Variants in CEP295 observed in about 807,000 individuals in gnomAD.
CEP295 encodes the protein centrosomal protein of 295 kDa.
In CEP295, 190 loss-of-function variants were observed where a neutral mutation model predicts 291.6. The observed-to-expected ratio is 0.65, with a 90% confidence interval of 0.58 to 0.73. CEP295 has a LOEUF of 0.73. Among genes scored for constraint, CEP295 ranks in the 30% least tolerant of loss-of-function variants. The probability of loss-of-function intolerance (pLI) is 0.00; values close to 1 mark genes in which losing one functional copy is unlikely to be tolerated. For missense variants in CEP295, 2,863 were observed against 2,949.4 expected, an observed-to-expected ratio of 0.97 and a Z score of 0.68; for synonymous variants, 993 against 1,038.8, an observed-to-expected ratio of 0.96 and a Z score of 0.85.
At chr11:93,685,907 C>T (rs1261924531) in intron 9 of CEP295, among the ~76,000 whole-genome samples, 2 of 151,698 alleles carry the variant, frequency 1.3e-5, no homozygotes, top group South Asian at 2.1e-4. Context: ...GACGGGGTTT[C>T]ACTATGTTGG....
intron 5 of CEP295, among the ~76,000 whole-genome samples, chr11:93,675,306 C>T (rs1338102151): frequency 1.3e-5 from 2 of 151,920 alleles, no homozygotes; most frequent in African/African-American, 4.8e-5. Flanking sequence ...TGAAATTTCT[C>T]TATAAATAAC....
chr11:93,689,698 G>A (rs1951423153), intron 10 of CEP295, among the ~76,000 whole-genome samples: 1 of 152,102 alleles, frequency 6.6e-6, no homozygotes. Flanking sequence ...GCCCAGTAAA[G>A]TGACTGGTGC....
At position 93,700,134 on chromosome 11, in the gene CEP295, A is replaced by G; in HGVS notation, c.5222A>G (p.Gln1741Arg). The G allele has an allele frequency of 6.4e-7, 1 of 1,551,562 alleles. No homozygotes were observed. The highest frequency in any genetic ancestry group is 8.7e-7 in the Non-Finnish European group (1 of 1,146,942). ...LLVQRQTALQ[Q>R]QIQKHEETLK... ...GTACAGAGACAAACAGCATTGCAGC[A>G]GCAGATACAGAAACATGAAGAGACT... Residue 1741 changes from glutamine to arginine, a missense_variant, in exon 15 of 30, where the codon CAG (glutamine) becomes CGG (arginine). Gln to Arg is a conservative substitution (Grantham distance 43). Coordinates refer to ENST00000325212, the MANE Select transcript of CEP295 (RefSeq NM_033395.2).
At chr11:93,728,856 A>G in intron 25 of CEP295, 35 bp downstream of exon 25, 1 of 1,508,620 alleles carries the variant, frequency 6.6e-7, no homozygotes, top group Non-Finnish European at 8.9e-7. Context: ...TTATTCTATT[A>G]CAAGCAAACC....
At chr11:93,681,603 A>G (rs1432134213) in intron 7 of CEP295, among the ~76,000 whole-genome samples, 1 of 151,150 alleles carries the variant, frequency 6.6e-6, no homozygotes, top group Non-Finnish European at 1.5e-5. Flanking sequence ...TTTAGTAGAG[A>G]CAGGGTTTCA....
At chr11:93,665,991 C>G (rs1395214723) in intron 1 of CEP295, among the ~76,000 whole-genome samples, 1 of 152,156 alleles carries the variant, frequency 6.6e-6, no homozygotes, top group Non-Finnish European at 1.5e-5. Context: ...GTTTTGAAAA[C>G]ATTTATTCTA....
At chr11:93,662,886 A>C (rs1355886263) in intron 1 of CEP295, among the ~76,000 whole-genome samples, 1 of 152,226 alleles carries the variant, frequency 6.6e-6, no homozygotes, top group African/African-American at 2.4e-5. Context: ...ATTCAGCATC[A>C]TTTACCTCTT....
intron 12 of CEP295, among the ~76,000 whole-genome samples, chr11:93,694,208 C>T (rs1591048676): frequency 2.0e-5 from 3 of 152,148 alleles, no homozygotes; most frequent in Non-Finnish European, 4.4e-5. Context: ...AAGAAAACAA[C>T]GTGCATTCCT....
In CEP295 at chr11:93,699,018, G is replaced by T. The variant is rs1352774642; in HGVS notation, c.4106G>T (p.Arg1369Ile). ...ATQREAIILA[R>I]QEAREELLLH... Reference sequence around the variant, plus strand: ...CAGAGAGAAGCCATCATTCTAGCTAGACAAGAAGCTCGGGAAGAATTACTT... The same window carrying T: ...CAGAGAGAAGCCATCATTCTAGCTATACAAGAAGCTCGGGAAGAATTACTT... The change falls in exon 15 of 30, where the codon AGA becomes ATA. Residue 1369 changes from arginine (R) to isoleucine (I), a missense_variant. Coordinates refer to ENST00000325212, the MANE Select transcript of CEP295 (RefSeq NM_033395.2). 1.3e-6 allele frequency: 2 copies of T among 1,547,764 alleles called. No individual in the cohort carries two copies. The highest frequency in any genetic ancestry group is 2.4e-5 in the East Asian group (1 of 40,916).
Position 93,699,565 on chromosome 11 carries a change from T to C in CEP295, c.4653T>C (p.Phe1551=). 6.4e-7 allele frequency: 1 copy of C among 1,551,934 alleles called. No individual in the cohort carries two copies. Residue 1551 remains phenylalanine, a synonymous_variant, in exon 15 of 30, where the codon TTT becomes TTC. Transcript: ENST00000325212. Reference sequence around the variant, plus strand: ...CTGAACAAGTTTGCTCCTCTTCATTTGTATCCCAGGTGCCTGTTGCTGACT... The same window carrying C: ...CTGAACAAGTTTGCTCCTCTTCATTCGTATCCCAGGTGCCTGTTGCTGACT... ...VSSEQVCSSS[F]VSQVPVADSE...
chr11:93,683,514 C>T (rs939341357), intron 7 of CEP295, 45 bp from the exon 8 acceptor site: 35 of 1,385,684 alleles, frequency 2.5e-5, no homozygotes, highest in Non-Finnish European at 3.3e-5. Context: ...TATTACCATA[C>T]AAAGTTTGTG....
Position 93,698,863 on chromosome 11 carries a change from A to C in CEP295, c.3951A>C (p.Thr1317=). 1 of 1,551,734 alleles carries C rather than the reference A, an allele frequency of 6.4e-7. No homozygotes were observed. The highest frequency in any genetic ancestry group is 1.4e-5 in the African/African-American group (1 of 73,176). Residue 1317 remains threonine (T), a synonymous_variant, in exon 15 of 30, where the codon ACA becomes ACC. Coordinates refer to ENST00000325212, the MANE Select transcript of CEP295 (RefSeq NM_033395.2). ...ESGTILEPLF[T]ESESKIFSSH... ...GCACAATCCTGGAACCTCTTTTTAC[A>C]GAGAGTGAAAGTAAAATTTTTTCAA...
rs929692136 is a variant in CEP295 at position 93,696,915 on chromosome 11, A to G, written c.2003A>G (p.Lys668Arg). The G allele has an allele frequency of 7.7e-6, 12 of 1,551,926 alleles. No individual in the cohort carries two copies. In the African/African-American group the frequency reaches 1.2e-4, roughly 16 times the overall value. Residue 668 changes from lysine (K) to arginine (R), a missense_variant, in exon 15 of 30, where the codon AAA (lysine) becomes AGA (arginine). Lys to Arg is a conservative substitution (Grantham distance 26, BLOSUM62 2). This residue lies in a region of CEP295 where 2,295 missense variants were observed against 2,335.7 expected (regional missense o/e 0.98). Transcript: ENST00000325212. ...CCCATACAACCTATACAGACCTCCA[A>G]ATTAGAACAAGATCATTTTCAGGTA... Reference protein sequence around the residue: ...YQPIQPIQTSKLEQDHFQVAR... With the variant: ...YQPIQPIQTSRLEQDHFQVAR...
intron 12 of CEP295, among the ~76,000 whole-genome samples, chr11:93,694,362 A>G (rs1046099701): frequency 3.9e-5 from 6 of 152,292 alleles, no homozygotes; most frequent in African/African-American, 1.2e-4. Flanking sequence ...TGTATATACT[A>G]TGGGTGAATT....
chr11:93,667,351 A>T (rs2134779946), intron 2 of CEP295, among the ~76,000 whole-genome samples: 1 of 152,290 alleles, frequency 6.6e-6, no homozygotes, highest in East Asian at 1.9e-4. Flanking sequence ...TTAGAGTGAT[A>T]ATGGCAGTCC....
chr11:93,683,610 G>T lies in CEP295; in HGVS notation c.817G>T (p.Ala273Ser). 1 of 1,543,774 alleles carries T rather than the reference G, an allele frequency of 6.5e-7. No individual in the cohort carries two copies. The highest frequency in any genetic ancestry group is 1.2e-5 in the South Asian group (1 of 81,752). ...ELKQLQQEDL[A>S]RRRQTVAQMP... The stretch of plus-strand genomic sequence containing the variant: ...CAAACAGCTACAGCAAGAGGACCTG[G>T]CACGTAGGAGACAGACTGTAGCACA... Residue 273 changes from alanine to serine, a missense_variant, in exon 8 of 30, where the codon GCA becomes TCA. Coordinates refer to ENST00000325212, the MANE Select transcript of CEP295 (RefSeq NM_033395.2).
intron 5 of CEP295, among the ~76,000 whole-genome samples, chr11:93,670,390 T>A (rs1950382152): frequency 4.6e-5 from 1 of 21,716 alleles, no homozygotes; most frequent in South Asian, 9.3e-3. Context: ...TTGAAGCTTA[T>A]TTTTTTTAAA....
intron 15 of CEP295, among the ~76,000 whole-genome samples, chr11:93,700,879 A>C (rs1952114248): frequency 1.3e-5 from 2 of 152,186 alleles, no homozygotes; most frequent in Admixed American, 1.3e-4. Context: ...ATCAAAATCA[A>C]TACCATCTTT....
Position 93,697,994 on chromosome 11 carries a change from G to C in CEP295, c.3082G>C (p.Gly1028Arg), listed in dbSNP as rs1951938767. The C allele has an allele frequency of 6.4e-7, 1 of 1,551,688 alleles. No individual in the cohort carries two copies. Among genetic ancestry groups the C allele is most frequent in the East Asian group, 2.4e-5 (1 of 40,928 alleles). Residue 1028 changes from glycine (G) to arginine (R), a missense_variant, in exon 15 of 30, where the codon GGA becomes CGA. Gly to Arg is a moderately radical substitution (Grantham distance 125, BLOSUM62 -2). This residue lies in a region of CEP295 where 2,295 missense variants were observed against 2,335.7 expected (regional missense o/e 0.98). Coordinates refer to ENST00000325212, the MANE Select transcript of CEP295 (RefSeq NM_033395.2). ...QEQHSSKSEK[G>R]LVSCQSDIPI... ...GCAACATTCATCTAAGAGCGAGAAA[G>C]GACTTGTTTCATGCCAATCTGACAT...
Sources: allele counts gnomAD v4.1 joint callset (sites outside exome capture counted in the v4.1 genomes callset), GRCh38; gene constraint gnomAD v4.1.1; regional missense constraint gnomAD v4.1.1; transcripts MANE v1.5; gene names NCBI Gene and HGNC (gene_info 2026-07-23, HGNC 2026-07-21).